The following TRMT11 variants were observed in gnomAD, a reference collection of about 807,000 sequenced individuals.
The protein encoded by TRMT11 is tRNA (guanine(10)-N(2))-methyltransferase TRMT11.
A neutral mutation model predicts 62.8 loss-of-function variants in TRMT11; 53 were observed. That is an observed-to-expected ratio of 0.84 (90% CI 0.68 to 1.06). The LOEUF (loss-of-function observed/expected upper bound fraction) is 1.06. Ranked by LOEUF, TRMT11 falls within the 50% of genes least tolerant of loss-of-function variation. The pLI, the probability that TRMT11 is intolerant of heterozygous loss-of-function variation, is 0.00. For missense variants in TRMT11, 556 were observed against 553.4 expected (o/e 1.00, Z -0.05); for synonymous variants, 188 against 190.3 (o/e 0.99, Z 0.10).
At chr6:126,125,944 C>A (rs1046357130) in intron 21 of TRMT11, among the ~76,000 whole-genome samples, 3 of 152,080 alleles carry the variant, frequency 2.0e-5, no homozygotes, top group African/African-American at 7.2e-5. Context: ...TCTGATTTCT[C>A]GCTTCTTTCA....
intron 17 of TRMT11, among the ~76,000 whole-genome samples, chr6:126,062,421 A>G (rs1198028250): frequency 2.6e-5 from 4 of 152,210 alleles, no homozygotes; most frequent in African/African-American, 9.6e-5. Flanking sequence ...TTATTGTAAT[A>G]TGTATATATC....
chr6:126,106,699 T>G (rs548768120), intron 17 of TRMT11, among the ~76,000 whole-genome samples: 13 of 152,262 alleles, frequency 8.5e-5, no homozygotes, highest in African/African-American at 3.1e-4. Flanking sequence ...GGGATAATAA[T>G]TATACTTATT....
downstream of TRMT11, among the ~76,000 whole-genome samples, chr6:126,206,682 C>A (rs1221977438): frequency 6.6e-6 from 1 of 152,168 alleles, no homozygotes; most frequent in East Asian, 1.9e-4. Context: ...CTCTTTAAGC[C>A]TCCCTTGGAT....
intron 17 of TRMT11, among the ~76,000 whole-genome samples, chr6:126,067,199 C>CAAAA (rs778111134): frequency 6.2e-5 from 6 of 96,344 alleles, no homozygotes; most frequent in Non-Finnish European, 1.4e-4. Flanking sequence ...GACTCCTTCT[C>CAAAA]AAAAAAAAAA....
chr6:126,228,367 G>A, the TRMT11 span, among the ~76,000 whole-genome samples: 4 of 152,300 alleles, frequency 2.6e-5, no homozygotes, highest in Non-Finnish European at 4.4e-5. Flanking sequence ...AGAAGAGACC[G>A]TGTTAATAAA....
Position 125,999,514 on chromosome 6 carries a change from A to G in TRMT11, c.580A>G (p.Ile194Val), listed in dbSNP as rs767240503. ...ATACAGTGTCAAAAAGAGACACTTT[A>G]TTGGAAATACAAGTATGGATGCTGG... ...ESYSVKKRHF[I>V]GNTSMDAGLS... Residue 194 changes from isoleucine (I) to valine (V), a missense_variant, in exon 7 of 13, where the codon ATT (isoleucine) becomes GTT (valine). Physicochemically the swap from Ile to Val is conservative, Grantham distance 29 (BLOSUM62 3). Coordinates refer to ENST00000334379, the MANE Select transcript of TRMT11 (RefSeq NM_001031712.3). 22 of 1,611,824 alleles carry G rather than the reference A, an allele frequency of 1.4e-5. No homozygotes were observed. Among genetic ancestry groups the G allele is most frequent in the Non-Finnish European group, 1.9e-5 (22 of 1,178,790 alleles).
At chr6:126,029,754 G>C (rs549891028) in intron 12 of TRMT11, among the ~76,000 whole-genome samples, 7 of 152,152 alleles carry the variant, frequency 4.6e-5, no homozygotes, top group Admixed American at 3.9e-4. Flanking sequence ...TAAATGTTTA[G>C]TGTGTTGACT....
In TRMT11 at chr6:126,082,364, AATATT is replaced by A. The variant is rs575587971; in HGVS notation, c.*1437+29179_*1437+29183del. ...ATATTGTGTATTTTATTAAAATACT[AATATT>A]ATATATTACAATGTAATATCAATTG... On this transcript the variant is annotated intron_variant and NMD_transcript_variant, in intron 17 of 22. Transcript: ENST00000648977. Among the ~76,000 whole-genome samples, 462 of 152,086 alleles carry A rather than the reference AATATT, an allele frequency of 3.0e-3. 2 individuals carry two copies. Among genetic ancestry groups the A allele is most frequent in the Middle Eastern group, 6.9e-3 (2 of 290 alleles).
intron 21 of TRMT11, among the ~76,000 whole-genome samples, chr6:126,136,415 A>G (rs1243648015): frequency 6.6e-6 from 1 of 151,812 alleles, no homozygotes; most frequent in Non-Finnish European, 1.5e-5. Context: ...TTCATTTACA[A>G]TAGCTACAAA....
At chr6:126,084,902 G>C (rs1777197622) in intron 17 of TRMT11, among the ~76,000 whole-genome samples, 1 of 152,154 alleles carries the variant, frequency 6.6e-6, no homozygotes, top group Middle Eastern at 3.2e-3. Context: ...ACAGAGAGTA[G>C]AAGGGTGGTT....
chr6:126,040,177 C>G (rs529887078), downstream of TRMT11, among the ~76,000 whole-genome samples: 2 of 152,040 alleles, frequency 1.3e-5, no homozygotes, highest in Admixed American at 6.6e-5. Context: ...AGCTTAGCCC[C>G]TTTTTTGGGT....
intron 12 of TRMT11, among the ~76,000 whole-genome samples, chr6:126,025,252 A>G (rs1010044286): frequency 5.9e-5 from 9 of 152,160 alleles, no homozygotes; most frequent in Admixed American, 5.9e-4. Flanking sequence ...CAGATTTATA[A>G]TATTTCCCTA....
chr6:126,043,291 A>T (rs960851058), downstream of TRMT11, among the ~76,000 whole-genome samples: 1 of 146,636 alleles, frequency 6.8e-6, no homozygotes, highest in African/African-American at 2.5e-5. Context: ...CCTATGAGTG[A>T]GAACATGCGG....
upstream of TRMT11, among the ~76,000 whole-genome samples, chr6:126,177,012 GA>G (rs111406645): frequency 0.063 from 8,856 of 140,672 alleles, 836 homozygotes; most frequent in African/African-American, 0.21. Context: ...TTTTTAACAA[GA>G]AAAAAAAAAA....
chr6:126,142,795 T>C (rs1777932643), intron 21 of TRMT11, among the ~76,000 whole-genome samples: 2 of 152,236 alleles, frequency 1.3e-5, no homozygotes, highest in South Asian at 2.1e-4. Context: ...ACTCCTGTTA[T>C]GTCCCCAGCT....
At chr6:126,193,863 A>G (rs1423347877) in intron 1 of TRMT11, among the ~76,000 whole-genome samples, 2 of 152,002 alleles carry the variant, frequency 1.3e-5, no homozygotes, top group African/African-American at 4.8e-5. Flanking sequence ...TTCATGGTAC[A>G]GTATGTTGTG....
upstream of TRMT11, among the ~76,000 whole-genome samples, chr6:126,175,496 C>G (rs1459504196): frequency 2.6e-5 from 4 of 152,118 alleles, no homozygotes; most frequent in Admixed American, 6.5e-5. Context: ...AAACTGCCCT[C>G]AAATATCTGA....
chr6:126,257,890 C>T, the TRMT11 span: 1 of 1,427,210 alleles, frequency 7.0e-7, no homozygotes, highest in East Asian at 2.3e-5. Context: ...AGTGATTGTC[C>T]TGAGCCACCA....
the TRMT11 span, among the ~76,000 whole-genome samples, chr6:126,242,195 G>T: frequency 3.3e-5 from 5 of 152,106 alleles, no homozygotes; most frequent in Admixed American, 2.0e-4. Context: ...TTGCTTCAAA[G>T]AAAATAAAAT....
Sources: gnomAD v4.1 joint callset for allele counts (sites outside exome capture counted in the v4.1 genomes callset) on GRCh38, gnomAD v4.1.1 for gene constraint, MANE v1.5 for transcripts, NCBI Gene and HGNC (gene_info 2026-07-23, HGNC 2026-07-21) for gene names.